RPS6KA2: variants seen among roughly 807,000 people sequenced by gnomAD.
RPS6KA2 encodes the protein ribosomal protein S6 kinase A2.
RPS6KA2 carries 42 observed loss-of-function variants against 91.8 expected under a neutral mutation model. The observed-to-expected ratio is 0.46, with a 90% CI of 0.36 to 0.59. RPS6KA2 has a LOEUF of 0.59. Ranked by LOEUF, RPS6KA2 falls within the 20% of genes least tolerant of loss-of-function variation. The pLI is 0.00. For synonymous variants in RPS6KA2, 414 were observed against 393.6 expected (o/e 1.05, Z -0.61); for missense variants, 798 against 978.5 (o/e 0.82, Z 2.46).
intron 2 of RPS6KA2, among the ~76,000 whole-genome samples, chr6:166,696,111 G>A (rs1789353073): frequency 6.6e-6 from 1 of 152,190 alleles, no homozygotes; most frequent in African/African-American, 2.4e-5. Flanking sequence ...AAAGGTTGGG[G>A]ACGGCCGTTT....
intron 2 of RPS6KA2, among the ~76,000 whole-genome samples, chr6:166,816,391 C>CACAAA (rs1779763898): frequency 1.7e-5 from 2 of 120,078 alleles, no homozygotes; most frequent in South Asian, 6.0e-4. Flanking sequence ...ACTAAAAATA[C>CACAAA]AAAAAAAAAA....
chr6:166,466,356 C>T lies in RPS6KA2; in HGVS notation c.972+3485G>A, dbSNP rs150102194. Among the ~76,000 whole-genome samples the T allele has an allele frequency of 1.6e-3, 242 of 152,344 alleles. 1 individual carries two copies. Among genetic ancestry groups the T allele is most frequent in the African/African-American group, 5.3e-3 (221 of 41,564 alleles). ...ATGTGTCATAGTTTTCCAAATCCAT[C>T]GTATTGTTAAAATTCCAGGCATCTC... On this transcript the variant is annotated intron_variant, in intron 11 of 20. Transcript: ENST00000265678.
At chr6:166,573,056 G>A (rs1046852826) in intron 1 of RPS6KA2, among the ~76,000 whole-genome samples, 7 of 152,354 alleles carry the variant, frequency 4.6e-5, no homozygotes, top group East Asian at 3.9e-4. Flanking sequence ...TGGGGTTCCC[G>A]GGGTGCCCAG....
intron 2 of RPS6KA2, among the ~76,000 whole-genome samples, chr6:166,683,322 CATTTTGGCAAGAGCCAG>C: frequency 6.6e-6 from 1 of 152,344 alleles, no homozygotes; most frequent in South Asian, 2.1e-4. Context: ...CTCAGAGTTA[CATTTTGGCAAGAGCCAG>C]AAATGTACCA....
chr6:166,425,489 A>G (rs1390183060), intron 16 of RPS6KA2, among the ~76,000 whole-genome samples: 1 of 152,254 alleles, frequency 6.6e-6, no homozygotes, highest in African/African-American at 2.4e-5. Context: ...TGCTCCAATT[A>G]AAAGACACAG....
Position 166,767,774 on chromosome 6 carries a change from AACACACACACACACACACAC to A in RPS6KA2, c.123+90406_123+90425del, listed in dbSNP as rs71639661. ...AAGAACTAAAGACAATACCTCCTCAAACACACACACACACACACACACACACACACACACACACACACCCT... is the reference window on the plus strand; with the variant it reads ...AAGAACTAAAGACAATACCTCCTCAAACACACACACACACACACACACCCT... On this transcript the variant is annotated intron_variant, in intron 2 of 21. Transcript: ENST00000503859. The surrounding 1 kb of genome is among the most constrained non-coding windows in gnomAD (Gnocchi z 4.6). Among the ~76,000 whole-genome samples the A allele has an allele frequency of 4.8e-5, 7 of 146,948 alleles. No homozygotes were observed. Among genetic ancestry groups the A allele is most frequent in the East Asian group, 2.0e-4 (1 of 4,900 alleles).
chr6:166,711,465 C>T (rs957007948), intron 2 of RPS6KA2, among the ~76,000 whole-genome samples: 1 of 149,598 alleles, frequency 6.7e-6, no homozygotes, highest in Non-Finnish European at 1.5e-5. Context: ...ACAAAGATTT[C>T]AAAGCAGCCA....
At chr6:166,609,506 A>ATTT (rs72047171) in intron 1 of RPS6KA2, among the ~76,000 whole-genome samples, 1 of 140,344 alleles carries the variant, frequency 7.1e-6, no homozygotes, top group Non-Finnish European at 1.6e-5. Context: ...CAAAAGTTTA[A>ATTT]TTTTTTTTTT....
intron 1 of RPS6KA2, among the ~76,000 whole-genome samples, chr6:166,617,478 T>C (rs1786455649): frequency 6.6e-6 from 1 of 152,232 alleles, no homozygotes; most frequent in African/African-American, 2.4e-5. Context: ...AGAAAATTTT[T>C]CAAGGCCAAA....
intron 2 of RPS6KA2, among the ~76,000 whole-genome samples, chr6:166,836,916 C>T (rs1433182639): frequency 6.6e-6 from 1 of 152,184 alleles, no homozygotes; most frequent in East Asian, 1.9e-4. Context: ...GGCCTCGCTG[C>T]TTGGTCTTTG....
rs528752732 is a variant in RPS6KA2, at chr6:166,641,842, T to C, written c.124-103058A>G. On this transcript the variant is annotated intron_variant, in intron 2 of 21. Coordinates refer to the RPS6KA2 transcript ENST00000503859. Reference sequence around the variant, plus strand: ...AAAGAGACGTTGGATCTGATGATAATTGAGAGAAAGACAGAAATACAGGAA... The same window carrying C: ...AAAGAGACGTTGGATCTGATGATAACTGAGAGAAAGACAGAAATACAGGAA... Among the ~76,000 whole-genome samples, 5 of 147,182 alleles carry C rather than the reference T, an allele frequency of 3.4e-5. No individual in the cohort carries two copies. The East Asian group carries it at 8.0e-4, about 23-fold the overall frequency.
intron 1 of RPS6KA2, among the ~76,000 whole-genome samples, chr6:166,618,603 G>C (rs1416209236): frequency 6.6e-6 from 1 of 152,242 alleles, no homozygotes; most frequent in African/African-American, 2.4e-5. Context: ...GGCCTTGGCT[G>C]AGTGGGAGGT....
In RPS6KA2 at chr6:166,418,833, C is replaced by T. The variant is rs967673855; in HGVS notation, c.1821-491G>A. Among the ~76,000 whole-genome samples, 4 of 152,358 alleles carry T rather than the reference C, an allele frequency of 2.6e-5. No homozygotes were observed. In the East Asian group the frequency reaches 5.8e-4, roughly 22 times the overall value. On this transcript the variant is annotated intron_variant, in intron 18 of 20. Coordinates refer to ENST00000265678, the MANE Select transcript of RPS6KA2 (RefSeq NM_021135.6). This position sits in a 1 kb window ranked among gnomAD's most constrained non-coding sequence, Gnocchi z 4.9. ...GGTGCAGCTCTGGCCATATTCCAAG[C>T]GCGTGGGAGGTGTTCATGGTGTCCC...
At chr6:166,480,479 T>TATA (rs1562523801) in intron 10 of RPS6KA2, among the ~76,000 whole-genome samples, 1 of 99,874 alleles carries the variant, frequency 1.0e-5, no homozygotes, top group African/African-American at 4.8e-5. Context: ...GATTGTGATT[T>TATA]TATATATATA....
At position 166,433,178 on chromosome 6, in the gene RPS6KA2, G is replaced by A. The variant is rs541591741; in HGVS notation, c.1333-688C>T. ...CACTGTGCACCTTCTGCCTTGTTCC[G>A]GGAATTACAAACCAGCCACAAAATG... On this transcript the variant is annotated intron_variant, in intron 14 of 20. Transcript: ENST00000265678. The surrounding 1 kb of genome is among the most constrained non-coding windows in gnomAD (Gnocchi z 4.4). Among the ~76,000 whole-genome samples the A allele has an allele frequency of 1.1e-3, 166 of 152,166 alleles. No homozygotes were observed. The highest frequency in any genetic ancestry group is 1.9e-3 in the Non-Finnish European group (127 of 68,004).
At chr6:166,697,410 T>C (rs7774814) in intron 2 of RPS6KA2, among the ~76,000 whole-genome samples, 30,345 of 152,166 alleles carry the variant, frequency 0.2, 3,071 homozygotes, top group African/African-American at 0.23. Flanking sequence ...TTCTGTCAAG[T>C]GTAGCCATGG....
intron 3 of RPS6KA2, among the ~76,000 whole-genome samples, chr6:166,518,735 T>C (rs989541741): frequency 1.3e-5 from 2 of 152,216 alleles, no homozygotes; most frequent in Non-Finnish European, 1.5e-5. Context: ...CTGACAACAC[T>C]GTGTAACTGA....
chr6:166,446,882 T>C (rs1779696949), intron 14 of RPS6KA2, among the ~76,000 whole-genome samples: 1 of 152,126 alleles, frequency 6.6e-6, no homozygotes, highest in South Asian at 2.1e-4. Flanking sequence ...GAGCAATGAC[T>C]CAGGCAGAAA....
At chr6:166,745,573 T>A (rs1221323360) in intron 2 of RPS6KA2, among the ~76,000 whole-genome samples, 1 of 152,236 alleles carries the variant, frequency 6.6e-6, no homozygotes, top group East Asian at 1.9e-4. Context: ...TCTGGGGTCC[T>A]GGGCTTAGAG....
Sources: allele counts gnomAD v4.1 joint callset (sites outside exome capture counted in the v4.1 genomes callset), GRCh38; gene constraint gnomAD v4.1.1; non-coding constraint Gnocchi (gnomAD v3.1); transcripts MANE v1.5; gene names NCBI Gene and HGNC (gene_info 2026-07-23, HGNC 2026-07-21).